The following SLC44A5 variants were observed in gnomAD, a reference collection of about 807,000 sequenced individuals.
SLC44A5 encodes the protein solute carrier family 44 member 5.
SLC44A5 carries 57 observed loss-of-function variants against 101.8 expected under a neutral mutation model. That is an observed-to-expected ratio of 0.56 (90% CI 0.45 to 0.70). SLC44A5 has a LOEUF of 0.70. Ranked by LOEUF, SLC44A5 falls within the 30% of genes least tolerant of loss-of-function variation. The pLI is 0.00. For missense variants in SLC44A5, 737 were observed against 853.1 expected, an observed-to-expected ratio of 0.86 and a Z score of 1.70; for synonymous variants, 281 against 290.9, an observed-to-expected ratio of 0.97 and a Z score of 0.35.
chr1:75,593,457 C>A (rs1674464017), intron 1 of SLC44A5, among the ~76,000 whole-genome samples: 2 of 152,032 alleles, frequency 1.3e-5, no homozygotes, highest in Non-Finnish European at 2.9e-5. Flanking sequence ...AGTTGAGCTA[C>A]TATATGATCC....
At chr1:75,398,107 C>T (rs893458204) in intron 2 of SLC44A5, among the ~76,000 whole-genome samples, 2 of 152,106 alleles carry the variant, frequency 1.3e-5, no homozygotes, top group Admixed American at 6.6e-5. Context: ...AGATACAATA[C>T]GGACTACCTT....
chr1:75,287,426 CTTTT>C (rs371647505), intron 5 of SLC44A5, among the ~76,000 whole-genome samples: 3 of 69,910 alleles, frequency 4.3e-5, no homozygotes, highest in African/African-American at 6.0e-5. Flanking sequence ...CTTCTGAATT[CTTTT>C]TTTTTTTTTT....
the SLC44A5 span, among the ~76,000 whole-genome samples, chr1:75,657,506 C>A: frequency 2.7e-5 from 4 of 148,974 alleles, no homozygotes; most frequent in African/African-American, 9.9e-5. Context: ...TGGGCTCACA[C>A]CATTGCACTC....
chr1:75,615,717 C>G (rs1413741576), upstream of SLC44A5: 2 of 436,950 alleles, frequency 4.6e-6, no homozygotes, highest in South Asian at 9.5e-5. Flanking sequence ...TCCCCCACCC[C>G]CTCCCCGGAC....
chr1:75,718,127 C>T, the SLC44A5 span, among the ~76,000 whole-genome samples: 2 of 152,278 alleles, frequency 1.3e-5, no homozygotes, highest in South Asian at 2.1e-4. Context: ...GACACCTTTA[C>T]TTAAATGTTT....
intron 3 of SLC44A5, among the ~76,000 whole-genome samples, chr1:75,391,654 T>C (rs1661797050): frequency 6.6e-6 from 1 of 152,164 alleles, no homozygotes; most frequent in Non-Finnish European, 1.5e-5. Context: ...GGTGTTGTGG[T>C]AGCTGGCTAT....
At chr1:75,596,962 A>C (rs1487874382) in intron 1 of SLC44A5, among the ~76,000 whole-genome samples, 1 of 152,110 alleles carries the variant, frequency 6.6e-6, no homozygotes, top group African/African-American at 2.4e-5. Flanking sequence ...AAATCAGGCA[A>C]GAGAAAGAAA....
chr1:75,337,752 G>A lies in SLC44A5; in HGVS notation c.101+1830C>T, dbSNP rs1231194047. Among the ~76,000 whole-genome samples, 7 of 152,186 alleles carry A rather than the reference G, an allele frequency of 4.6e-5. No homozygotes were observed. In the East Asian group the frequency reaches 7.7e-4, roughly 17 times the overall value. ...TCCTATGCATGACCATCATCCCTTC[G>A]CCTTTTCTCAAAACAAATTCAGTTG... On this transcript the variant is annotated intron_variant, in intron 4 of 23. Coordinates refer to ENST00000370859, the MANE Select transcript of SLC44A5 (RefSeq NM_001130058.2).
the SLC44A5 span, among the ~76,000 whole-genome samples, chr1:75,663,130 C>T: frequency 3.9e-5 from 6 of 152,116 alleles, no homozygotes; most frequent in Non-Finnish European, 5.9e-5. Context: ...TAGAGTTACT[C>T]TCTACTTCTA....
chr1:75,427,820 G>T (rs1206960295), intron 2 of SLC44A5, among the ~76,000 whole-genome samples: 1 of 152,160 alleles, frequency 6.6e-6, no homozygotes, highest in Non-Finnish European at 1.5e-5. Context: ...TGAAATGTTT[G>T]TTTTTATTAT....
chr1:75,636,824 T>C, the SLC44A5 span, among the ~76,000 whole-genome samples: 2 of 152,056 alleles, frequency 1.3e-5, no homozygotes, highest in African/African-American at 4.8e-5. Flanking sequence ...CAGATAACAT[T>C]TCTATAAAAG....
At chr1:75,468,577 A>G (rs1666943167) in intron 2 of SLC44A5, among the ~76,000 whole-genome samples, 1 of 152,208 alleles carries the variant, frequency 6.6e-6, no homozygotes, top group African/African-American at 2.4e-5. Context: ...ACAGAAAGAC[A>G]AACATTCCAT....
intron 3 of SLC44A5, among the ~76,000 whole-genome samples, chr1:75,350,880 T>C (rs1658595559): frequency 9.9e-6 from 1 of 101,522 alleles, no homozygotes; most frequent in Admixed American, 1.3e-4. Flanking sequence ...CGTGACAGGG[T>C]GAGACTCCAT....
At chr1:75,544,084 A>C (rs1044227597) in intron 1 of SLC44A5, among the ~76,000 whole-genome samples, 31 of 152,320 alleles carry the variant, frequency 2.0e-4, no homozygotes, top group Non-Finnish European at 4.4e-4. Flanking sequence ...CCATTGTAAC[A>C]ATATTAAGAA....
At chr1:75,564,002 G>GA (rs1672654387) in intron 1 of SLC44A5, among the ~76,000 whole-genome samples, 3 of 152,082 alleles carry the variant, frequency 2.0e-5, no homozygotes, top group Non-Finnish European at 4.4e-5. Flanking sequence ...TAGGAAAAAA[G>GA]AAAAAAGAAA....
chr1:75,451,333 C>T (rs1410421881), intron 2 of SLC44A5, among the ~76,000 whole-genome samples: 1 of 152,088 alleles, frequency 6.6e-6, no homozygotes, highest in Non-Finnish European at 1.5e-5. Flanking sequence ...CCAATTCTTA[C>T]CTATAAGCAC....
chr1:75,648,771 A>T, the SLC44A5 span, among the ~76,000 whole-genome samples: 683 of 149,166 alleles, frequency 4.6e-3, 6 homozygotes, highest in African/African-American at 0.016. Flanking sequence ...TGATGGGAAA[A>T]AAAAGGATTT....
Position 75,611,077 on chromosome 1 carries a change from C to A in SLC44A5, c.-107G>T, listed in dbSNP as rs560375326. 1.0e-6 allele frequency: 1 copy of A among 985,342 alleles called. No homozygotes were observed. The highest frequency in any genetic ancestry group is 1.7e-5 in the African/African-American group (1 of 57,316). The allele number at this position is 985,342 out of a possible 1,614,324, so 61.0% of individuals were successfully genotyped here. On this transcript the variant is annotated 5_prime_UTR_variant, in exon 1 of 24. Transcript: ENST00000370859. Reference sequence around the variant, plus strand: ...CATTTCTTCAATAACTCCATCAACACTGAACCTTCTAACTCTAACATGCTA... The same window carrying A: ...CATTTCTTCAATAACTCCATCAACAATGAACCTTCTAACTCTAACATGCTA...
intron 13 of SLC44A5, among the ~76,000 whole-genome samples, chr1:75,226,744 T>C (rs1376285507): frequency 6.6e-6 from 1 of 152,064 alleles, no homozygotes; most frequent in South Asian, 2.1e-4. Context: ...TAAAGCAACA[T>C]GTAGTTAGAG....
Sources: allele counts gnomAD v4.1 joint callset (sites outside exome capture counted in the v4.1 genomes callset), GRCh38; gene constraint gnomAD v4.1.1; transcripts MANE v1.5; gene names NCBI Gene and HGNC (gene_info 2026-07-23, HGNC 2026-07-21).